Variants in LRP1B observed in about 807,000 individuals in gnomAD.
The protein encoded by LRP1B is LDL receptor related protein 1B.
Under a neutral mutation model 556.6 loss-of-function variants are expected in LRP1B, and 217 were observed. That is an observed-to-expected ratio of 0.39 (90% CI 0.35 to 0.44). The LOEUF is 0.44. LRP1B is among the 20% of genes least tolerant of loss of function. The probability of loss-of-function intolerance (pLI) is 1.00; values close to 1 mark genes in which losing one functional copy is unlikely to be tolerated. For synonymous variants in LRP1B, 2,047 were observed against 1,865.8 expected (o/e 1.10, Z -2.50); for missense variants, 5,053 against 5,620.8 (o/e 0.90, Z 3.23).
At chr2:142,021,890 T>A (rs1173840265) in intron 1 of LRP1B, among the ~76,000 whole-genome samples, 1 of 152,156 alleles carries the variant, frequency 6.6e-6, no homozygotes, top group Non-Finnish European at 1.5e-5. Flanking sequence ...TCAGGTGACC[T>A]TTTGTTTCAC....
intron 2 of LRP1B, among the ~76,000 whole-genome samples, chr2:141,770,884 T>C (rs1010457321): frequency 5.9e-5 from 9 of 152,208 alleles, no homozygotes; most frequent in African/African-American, 2.2e-4. Context: ...CAGATTATAA[T>C]TGCAAAAATA....
chr2:140,891,495 C>T (rs188004748), intron 23 of LRP1B, among the ~76,000 whole-genome samples: 28 of 152,234 alleles, frequency 1.8e-4, no homozygotes, highest in African/African-American at 5.1e-4. Context: ...CCTGCTACTT[C>T]GGAGTTTTTA....
At chr2:141,910,350 C>T (rs1220796991) in intron 1 of LRP1B, among the ~76,000 whole-genome samples, 11 of 151,990 alleles carry the variant, frequency 7.2e-5, no homozygotes, top group Non-Finnish European at 4.4e-5. Flanking sequence ...ATCATTTACT[C>T]TGCTACACAG....
intron 81 of LRP1B, 54 bp from the exon 82 acceptor site, chr2:140,322,142 C>T (rs1158734510): frequency 6.6e-7 from 1 of 1,517,178 alleles, no homozygotes; most frequent in East Asian, 2.3e-5. Context: ...CAATAGGCTT[C>T]AAAAGCATAA....
intron 1 of LRP1B, among the ~76,000 whole-genome samples, chr2:142,104,794 GC>G (rs1421635134): frequency 6.6e-6 from 1 of 152,106 alleles, no homozygotes; most frequent in Non-Finnish European, 1.5e-5. Flanking sequence ...AAAAATGCGA[GC>G]AGTAAACAAC....
intron 6 of LRP1B, among the ~76,000 whole-genome samples, chr2:141,198,435 T>A (rs1388564200): frequency 6.6e-6 from 1 of 152,116 alleles, no homozygotes; most frequent in Non-Finnish European, 1.5e-5. Flanking sequence ...ATAAAATGAA[T>A]TCAAATATCT....
At chr2:141,941,244 A>T (rs1700790190) in intron 1 of LRP1B, among the ~76,000 whole-genome samples, 1 of 152,212 alleles carries the variant, frequency 6.6e-6, no homozygotes, top group African/African-American at 2.4e-5. Context: ...ACAAAATACA[A>T]ATTTAAAACA....
At chr2:142,045,972 C>T (rs562531431) in intron 1 of LRP1B, among the ~76,000 whole-genome samples, 29 of 151,996 alleles carry the variant, frequency 1.9e-4, no homozygotes, top group Admixed American at 3.3e-4. Flanking sequence ...ATGGATAAAA[C>T]AGAAGGCCAC....
chr2:140,615,020 T>G (rs1683208269), intron 41 of LRP1B, among the ~76,000 whole-genome samples: 1 of 152,148 alleles, frequency 6.6e-6, no homozygotes, highest in African/African-American at 2.4e-5. Context: ...TTCCTGAAAC[T>G]AACTCCTTCC....
intron 1 of LRP1B, among the ~76,000 whole-genome samples, chr2:141,907,310 T>C (rs1699783810): frequency 6.6e-6 from 1 of 151,918 alleles, no homozygotes; most frequent in Non-Finnish European, 1.5e-5. Flanking sequence ...TGCTTTTCAA[T>C]CATTCATATG....
intron 2 of LRP1B, among the ~76,000 whole-genome samples, chr2:141,804,552 A>T (rs1057176024): frequency 2.6e-5 from 4 of 152,072 alleles, no homozygotes; most frequent in Middle Eastern, 3.2e-3. Flanking sequence ...GCATATGTAG[A>T]TTAAACCTCT....
At chr2:140,522,559 A>T (rs948765660) in intron 49 of LRP1B, among the ~76,000 whole-genome samples, 4 of 151,880 alleles carry the variant, frequency 2.6e-5, no homozygotes, top group African/African-American at 9.7e-5. Context: ...GAAGAAAAAA[A>T]CTAAAATCAG....
chr2:141,160,775 G>A (rs1345571163), intron 7 of LRP1B, among the ~76,000 whole-genome samples: 1 of 151,852 alleles, frequency 6.6e-6, no homozygotes, highest in African/African-American at 2.4e-5. Context: ...TGACTCTAAC[G>A]GGAAATATGA....
At chr2:141,811,032 T>C (rs1397599525) in intron 1 of LRP1B, among the ~76,000 whole-genome samples, 1 of 152,050 alleles carries the variant, frequency 6.6e-6, no homozygotes, top group African/African-American at 2.4e-5. Flanking sequence ...TTTTCTACAG[T>C]TGTTTGTGAC....
chr2:140,683,566 A>G, intron 41 of LRP1B: 2 of 671,772 alleles, frequency 3.0e-6, no homozygotes, highest in Non-Finnish European at 2.8e-6. Context: ...TCCAAGTCCC[A>G]GTCTTCATTA....
At position 141,178,834 on chromosome 2, in the gene LRP1B, C is replaced by A. The variant is rs1414941956; in HGVS notation, c.1013+9587G>T. On this transcript the variant is annotated intron_variant, in intron 7 of 90. Coordinates refer to ENST00000389484, the MANE Select transcript of LRP1B (RefSeq NM_018557.3). Reference sequence around the variant, plus strand: ...TTCTACAGCTATAAAATGAAAGGAACCTTGATTCTTGAATAACTCCTTGAT... The same window carrying A: ...TTCTACAGCTATAAAATGAAAGGAAACTTGATTCTTGAATAACTCCTTGAT... Among the ~76,000 whole-genome samples, 10 of 137,788 alleles carry A rather than the reference C, an allele frequency of 7.3e-5. No homozygotes were observed. In the East Asian group the frequency reaches 3.0e-3, roughly 41 times the overall value. 90.4% of individuals were successfully genotyped at this position (137,788 alleles called of 152,430 possible).
At position 140,602,112 on chromosome 2, in the gene LRP1B, T is replaced by G. The variant is rs573357468; in HGVS notation, c.6800-473A>C. Among the ~76,000 whole-genome samples, 83 of 152,034 alleles carry G rather than the reference T, an allele frequency of 5.5e-4. No individual in the cohort carries two copies. In the South Asian group the frequency reaches 9.5e-3, roughly 17 times the overall value. On this transcript the variant is annotated intron_variant, in intron 41 of 90. Coordinates refer to ENST00000389484, the MANE Select transcript of LRP1B (RefSeq NM_018557.3). ...CTACAACAGTATGAGAAATCCAAAA[T>G]CTAACTCCTTACTTGCAACTATCAA...
rs1214671962 is a variant in LRP1B, at chr2:140,655,881, T to C, written c.6799+44369A>G. On this transcript the variant is annotated intron_variant, in intron 41 of 90. Coordinates refer to ENST00000389484, the MANE Select transcript of LRP1B (RefSeq NM_018557.3). ...TGGCCTGTACCCGGGAGGCGGAGCT[T>C]GCAGTGAGACGAGATCCCGCCACTG... Among the ~76,000 whole-genome samples, 3 of 151,064 alleles carry C rather than the reference T, an allele frequency of 2.0e-5. No homozygotes were observed. In the East Asian group the frequency reaches 5.8e-4, roughly 29 times the overall value.
At chr2:142,053,748 A>G (rs1704556235) in intron 1 of LRP1B, among the ~76,000 whole-genome samples, 1 of 152,160 alleles carries the variant, frequency 6.6e-6, no homozygotes, top group Non-Finnish European at 1.5e-5. Flanking sequence ...AAAAATAATT[A>G]CTGACTTATC....
Sources: allele counts gnomAD v4.1 joint callset (sites outside exome capture counted in the v4.1 genomes callset), GRCh38; gene constraint gnomAD v4.1.1; transcripts MANE v1.5; gene names NCBI Gene and HGNC (gene_info 2026-07-23, HGNC 2026-07-21).